The following MYO10 variants were observed in gnomAD, a reference collection of about 807,000 sequenced individuals.
MYO10 encodes the protein myosin X.
A neutral mutation model predicts 257.3 loss-of-function variants in MYO10; 133 were observed. The observed-to-expected ratio is 0.52, with a 90% CI of 0.45 to 0.60. The LOEUF (loss-of-function observed/expected upper bound fraction) is 0.60. MYO10 is among the 20% of genes least tolerant of loss of function. The pLI is 0.00. For missense variants in MYO10, 2,399 were observed against 2,635.7 expected (o/e 0.91, Z 1.97); for synonymous variants, 1,104 against 1,028.6 (o/e 1.07, Z -1.40).
chr5:16,806,834 T>C (rs578193643), intron 3 of MYO10, among the ~76,000 whole-genome samples: 1 of 152,198 alleles, frequency 6.6e-6, no homozygotes, highest in African/African-American at 2.4e-5. Context: ...GAACCTCCCC[T>C]GGCACTGCTT....
At chr5:16,718,918 C>T (rs1037939152) in intron 19 of MYO10, among the ~76,000 whole-genome samples, 3 of 152,154 alleles carry the variant, frequency 2.0e-5, no homozygotes, top group South Asian at 2.1e-4. Context: ...ATTGTAAACG[C>T]GCCAATCAGC....
chr5:16,911,666 A>G (rs1344901753), intron 1 of MYO10, among the ~76,000 whole-genome samples: 3 of 152,060 alleles, frequency 2.0e-5, no homozygotes, highest in African/African-American at 7.2e-5. Flanking sequence ...TGGGAAATCA[A>G]GGTTGCAGTA....
chr5:16,768,701 A>G, intron 10 of MYO10, among the ~76,000 whole-genome samples: 1 of 124,170 alleles, frequency 8.1e-6, no homozygotes, highest in East Asian at 2.2e-4. Context: ...GTGATACAAG[A>G]TCTCACTCTG....
chr5:16,808,167 A>G (rs1742332141), intron 3 of MYO10, among the ~76,000 whole-genome samples: 1 of 152,192 alleles, frequency 6.6e-6, no homozygotes, highest in South Asian at 2.1e-4. Flanking sequence ...CAATTAAACA[A>G]TTAGAAACAT....
chr5:16,818,410 G>GTATATATATATATA (rs1178796616), intron 2 of MYO10, among the ~76,000 whole-genome samples: 11 of 90,338 alleles, frequency 1.2e-4, no homozygotes, highest in South Asian at 6.8e-4. Context: ...GTGTGTGTGT[G>GTATATATATATATA]TATATATATA....
At chr5:16,750,497 T>A (rs1266576278) in intron 19 of MYO10, among the ~76,000 whole-genome samples, 1 of 151,822 alleles carries the variant, frequency 6.6e-6, no homozygotes, top group African/African-American at 2.4e-5. Context: ...TTCAAACACT[T>A]GGCAAGGAGG....
chr5:16,701,747 T>C lies in MYO10; in HGVS notation c.2648A>G (p.Glu883Gly). ...GAGGATCTCTTCCACCTGCTTATTT[T>C]CCTTCTGTTTCTCCAGTTCACGGGT... is the stretch of plus-strand genomic sequence containing the variant. ...ELTRELEKQK[E>G]NKQVEEILRL... is the part of the protein sequence containing the mutation. The change falls in exon 25 of 41, where the codon GAA (glutamate) becomes GGA (glycine). Residue 883 changes from glutamate (E) to glycine (G), a missense_variant. By Grantham distance (98) the Glu-to-Gly change is moderately conservative. Coordinates refer to ENST00000513610, the MANE Select transcript of MYO10 (RefSeq NM_012334.3). This position sits in a 1 kb window ranked among gnomAD's most constrained non-coding sequence, Gnocchi z 8.1. The C allele has an allele frequency of 1.2e-6, 2 of 1,614,046 alleles. No individual in the cohort carries two copies. The highest frequency in any genetic ancestry group is 2.2e-5 in the East Asian group (1 of 44,878).
At chr5:16,933,214 T>C (rs1232426809) in intron 1 of MYO10, among the ~76,000 whole-genome samples, 2 of 152,210 alleles carry the variant, frequency 1.3e-5, no homozygotes, top group East Asian at 3.8e-4. Flanking sequence ...TGCAGACCTT[T>C]CGGGTTGTCA....
At chr5:16,889,552 AAAGGAAGG>A (rs1216641399) in intron 1 of MYO10, among the ~76,000 whole-genome samples, 2 of 151,574 alleles carry the variant, frequency 1.3e-5, no homozygotes, top group Admixed American at 6.6e-5. Context: ...GAAAGGAAGG[AAAGGAAGG>A]AAAGAAAGAA....
intron 2 of MYO10, among the ~76,000 whole-genome samples, chr5:16,865,013 A>G (rs1464202975): frequency 6.6e-6 from 1 of 152,148 alleles, no homozygotes; most frequent in East Asian, 1.9e-4. Flanking sequence ...AGAGGTGGGT[A>G]TTTCCAGGAG....
chr5:16,877,766 T>C lies in MYO10; in HGVS notation c.22-59A>G, dbSNP rs141774917. The C allele has an allele frequency of 7.5e-4, 1,024 of 1,360,090 alleles. 7 individuals are homozygous for C. The African/African-American group carries it at 0.013, about 18-fold the overall frequency. 84.3% of individuals were successfully genotyped at this position (1,360,090 alleles called of 1,614,324 possible). On this transcript the variant is annotated intron_variant, in intron 1 of 40. Transcript: ENST00000513610. The stretch of plus-strand genomic sequence containing the variant: ...TGGATTGCATTTTGTGGCGAAACTG[T>C]ACTGTCGAAATTACCCTAACTCCTA...
intron 1 of MYO10, 138 bp downstream of exon 1, chr5:16,935,650 T>TG (rs1303782886): frequency 4.3e-6 from 4 of 923,354 alleles, no homozygotes; most frequent in East Asian, 2.6e-5. Flanking sequence ...CGCGGGGGGA[T>TG]GGGGGGTGAT....
Position 16,665,717 on chromosome 5 carries a change from A to G in MYO10, c.*975T>C, listed in dbSNP as rs1255460218. 6.6e-6 allele frequency: 1 copy of G among 152,654 alleles called. No individual in the cohort carries two copies. Among genetic ancestry groups the G allele is most frequent in the Non-Finnish European group, 1.5e-5 (1 of 68,048 alleles). 9.5% of individuals were successfully genotyped at this position (152,654 alleles called of 1,614,324 possible). A position where few individuals can be genotyped will look rare whatever the true frequency, so the allele number is the denominator to read the frequency against. On this transcript the variant is annotated 3_prime_UTR_variant, in exon 41 of 41. Coordinates refer to ENST00000513610, the MANE Select transcript of MYO10 (RefSeq NM_012334.3). ...CCAAGTAACACTTTGTTTTTAACTT[A>G]AATCTTTTAGACATGAAAGACTCCA...
At chr5:16,784,204 G>A (rs778069330) in intron 4 of MYO10, among the ~76,000 whole-genome samples, 6 of 152,234 alleles carry the variant, frequency 3.9e-5, no homozygotes, top group Non-Finnish European at 8.8e-5. Flanking sequence ...AACCACAGAA[G>A]CTGGGAAAGA....
At chr5:16,811,047 C>T (rs1446389034) in intron 3 of MYO10, among the ~76,000 whole-genome samples, 6 of 132,848 alleles carry the variant, frequency 4.5e-5, no homozygotes, top group African/African-American at 9.2e-5. Flanking sequence ...CCAGCCTGGG[C>T]GAAAGAGCAA....
At chr5:16,702,809 G>A in intron 23 of MYO10, 116 bp downstream of exon 23, 3 of 1,038,214 alleles carry the variant, frequency 2.9e-6, no homozygotes, top group South Asian at 1.7e-5. Context: ...TAGAGTTACT[G>A]TTTCAAATTG....
At chr5:16,685,905 G>T in intron 28 of MYO10, 74 bp from the exon 29 acceptor site, 1 of 1,146,042 alleles carries the variant, frequency 8.7e-7, no homozygotes, top group Non-Finnish European at 1.3e-6. Context: ...CCTACTGCAC[G>T]TGCTCTGTGA....
At chr5:16,815,670 G>A (rs566014037) in intron 3 of MYO10, among the ~76,000 whole-genome samples, 4 of 152,178 alleles carry the variant, frequency 2.6e-5, no homozygotes, top group South Asian at 2.1e-4. Flanking sequence ...ATAGTTACAC[G>A]ACAGTGTCAA....
In MYO10 at chr5:16,675,135, C is replaced by G; in HGVS notation, c.4682G>C (p.Gly1561Ala). 1 of 1,613,612 alleles carries G rather than the reference C, an allele frequency of 6.2e-7. No individual in the cohort carries two copies. The highest frequency in any genetic ancestry group is 8.5e-7 in the Non-Finnish European group (1 of 1,179,874). Residue 1561 changes from glycine to alanine, a missense_variant, in exon 35 of 41, where the codon GGC (glycine) becomes GCC (alanine). Gly to Ala is a moderately conservative substitution (Grantham distance 60). Coordinates refer to ENST00000513610, the MANE Select transcript of MYO10 (RefSeq NM_012334.3). ...DINLNLLKDK[G>A]YTTLQDEAIK... ...GGCCTCATCCTGAAGGGTGGTATAG[C>G]CTTTGTCTTTGAGCACTAGGACAAG...
Sources: gnomAD v4.1 joint callset for allele counts (sites outside exome capture counted in the v4.1 genomes callset) on GRCh38, gnomAD v4.1.1 for gene constraint, Gnocchi (gnomAD v3.1) non-coding constraint, MANE v1.5 for transcripts, NCBI Gene and HGNC (gene_info 2026-07-23, HGNC 2026-07-21) for gene names.